SYNJ2: variants seen among roughly 807,000 people sequenced by gnomAD.
SYNJ2 encodes the protein polyphosphatidylinositol phosphatase SYNJ2.
Under a neutral mutation model 141.3 loss-of-function variants are expected in SYNJ2, and 116 were observed. That is an observed-to-expected ratio of 0.82 (90% CI 0.71 to 0.96). The LOEUF (loss-of-function observed/expected upper bound fraction) is 0.96. SYNJ2 is among the 40% of genes least tolerant of loss of function. The pLI is 0.00. For missense variants in SYNJ2, 1,873 were observed against 1,934.8 expected (o/e 0.97, Z 0.60); for synonymous variants, 745 against 777.7 (o/e 0.96, Z 0.70).
chr6:158,034,354 G>A (rs1334949552), intron 4 of SYNJ2, among the ~76,000 whole-genome samples: 1 of 152,250 alleles, frequency 6.6e-6, no homozygotes, highest in Non-Finnish European at 1.5e-5. Flanking sequence ...ACCCCGGAAG[G>A]CACATGTATG....
chr6:158,056,157 T>C (rs1780857064), intron 6 of SYNJ2, among the ~76,000 whole-genome samples: 1 of 152,220 alleles, frequency 6.6e-6, no homozygotes, highest in African/African-American at 2.4e-5. Context: ...CATGCTGGGT[T>C]CGCTTCAGGA....
chr6:157,997,846 C>T (rs548149093), intron 1 of SYNJ2, among the ~76,000 whole-genome samples: 4 of 152,228 alleles, frequency 2.6e-5, no homozygotes, highest in Non-Finnish European at 5.9e-5. Context: ...AAGCCCTAAC[C>T]ATCGTGGAGG....
chr6:157,995,458 T>C (rs1266065477), intron 1 of SYNJ2, among the ~76,000 whole-genome samples: 1 of 152,242 alleles, frequency 6.6e-6, no homozygotes, highest in Non-Finnish European at 1.5e-5. Flanking sequence ...CTCTCTGTCT[T>C]GTGCCTGCCT....
At chr6:158,085,170 C>T (rs1042120197) in intron 22 of SYNJ2, among the ~76,000 whole-genome samples, 4 of 151,888 alleles carry the variant, frequency 2.6e-5, no homozygotes, top group African/African-American at 7.3e-5. Context: ...CAGGGTTGCA[C>T]CAGCATGCCC....
chr6:158,021,924 C>T (rs368283465), intron 2 of SYNJ2, among the ~76,000 whole-genome samples: 3 of 152,284 alleles, frequency 2.0e-5, no homozygotes, highest in East Asian at 3.9e-4. Context: ...TGTAAATTCA[C>T]GGGCCAGGGC....
chr6:158,038,138 G>A (rs879881857), intron 4 of SYNJ2, among the ~76,000 whole-genome samples: 8 of 152,190 alleles, frequency 5.3e-5, no homozygotes, highest in African/African-American at 7.2e-5. Context: ...GGTACAGCCC[G>A]ATGCTGTTGA....
intron 23 of SYNJ2, among the ~76,000 whole-genome samples, chr6:158,088,358 C>G (rs1440093612): frequency 6.6e-6 from 1 of 152,028 alleles, no homozygotes. Context: ...GGAACCATTT[C>G]AAAATCAATT....
intron 2 of SYNJ2, among the ~76,000 whole-genome samples, chr6:158,020,007 G>A (rs1364800370): frequency 1.3e-5 from 2 of 152,246 alleles, no homozygotes; most frequent in African/African-American, 2.4e-5. Flanking sequence ...TGGGCAGCAC[G>A]GAGTGTAGCT....
chr6:158,020,347 TC>T, intron 2 of SYNJ2, among the ~76,000 whole-genome samples: 1 of 151,084 alleles, frequency 6.6e-6, no homozygotes, highest in East Asian at 1.9e-4. Context: ...TGTGACTGAC[TC>T]CAACTGTGTG....
chr6:158,092,153 G>A (rs901806560), intron 25 of SYNJ2, among the ~76,000 whole-genome samples: 6 of 151,994 alleles, frequency 3.9e-5, no homozygotes, highest in Admixed American at 3.9e-4. Flanking sequence ...TAGTAGAGGT[G>A]TGAAATCTAC....
At position 158,097,719 on chromosome 6, in the gene SYNJ2, G is replaced by A. The variant is rs1783862389; in HGVS notation, c.*1355G>A. On this transcript the variant is annotated 3_prime_UTR_variant, in exon 27 of 27. Transcript: ENST00000355585. ...TGTCTTGTTACCAATTAGACATCTG[G>A]AATTTCATAATTAGTTTTCATTGTC... 2 of 152,118 alleles carry A rather than the reference G, an allele frequency of 1.3e-5. No homozygotes were observed. The highest frequency in any genetic ancestry group is 3.4e-3 in the Middle Eastern group (1 of 294). 9.4% of individuals were successfully genotyped at this position (152,118 alleles called of 1,614,324 possible). A position where few individuals can be genotyped will look rare whatever the true frequency, so the allele number is the denominator to read the frequency against.
In SYNJ2 at chr6:157,982,044, G is replaced by C; in HGVS notation, c.83G>C (p.Arg28Pro). Residue 28 changes from arginine (R) to proline (P), a missense_variant, in exon 1 of 27, where the codon CGC becomes CCC. Transcript: ENST00000355585. This position sits in a 1 kb window ranked among gnomAD's most constrained non-coding sequence, Gnocchi z 4.0. ...DCSVLLEARG[R>P]DDCLLFEAGT... ...AGCGTGCTGCTGGAGGCGCGCGGCCGCGACGACTGCCTGCTGTTCGAGGCC... is the reference window on the plus strand; with the variant it reads ...AGCGTGCTGCTGGAGGCGCGCGGCCCCGACGACTGCCTGCTGTTCGAGGCC... The C allele has an allele frequency of 7.5e-7, 1 of 1,334,010 alleles. No homozygotes were observed. Among genetic ancestry groups the C allele is most frequent in the Non-Finnish European group, 9.6e-7 (1 of 1,045,368 alleles). 82.6% of individuals were successfully genotyped at this position (1,334,010 alleles called of 1,614,324 possible). A position where few individuals can be genotyped will look rare whatever the true frequency, so the allele number is the denominator to read the frequency against.
Position 158,081,438 on chromosome 6 carries a change from C to T in SYNJ2, c.2793C>T (p.Asn931=). 6.2e-7 allele frequency: 1 copy of T among 1,613,868 alleles called. No individual in the cohort carries two copies. The highest frequency in any genetic ancestry group is 8.5e-7 in the Non-Finnish European group (1 of 1,179,988). The part of the protein sequence containing the change: ...SYGTIVLVRI[N]QGQMLVTFAD... ...GGAGTATCATTTATTCCAGGATCAA[C>T]CAAGGGCAGATGCTGGTAACTTTTG... is the stretch of plus-strand genomic sequence containing the variant. Residue 931 remains asparagine (N), a synonymous_variant, in exon 20 of 27, where the codon AAC becomes AAT. Transcript: ENST00000355585.
In SYNJ2 at chr6:158,098,770, A is replaced by G. The variant is rs1176402074; in HGVS notation, c.*2406A>G. 6.6e-6 allele frequency: 1 copy of G among 152,196 alleles called. No individual in the cohort carries two copies. The highest frequency in any genetic ancestry group is 1.5e-5 in the Non-Finnish European group (1 of 68,052). The allele number at this position is 152,196 out of a possible 1,614,324, so 9.4% of individuals were successfully genotyped here. ...TATTTTGTTCCTGCTGTTCTCTAAC[A>G]TGGTGCAGTTCACGCAGACTGGTTT... On this transcript the variant is annotated 3_prime_UTR_variant, in exon 27 of 27. Transcript: ENST00000355585.
At chr6:158,013,789 A>G (rs528316020) in intron 1 of SYNJ2, among the ~76,000 whole-genome samples, 2 of 152,228 alleles carry the variant, frequency 1.3e-5, no homozygotes, top group East Asian at 3.9e-4. Context: ...TGATTTGTTT[A>G]GTGCCATGTT....
At chr6:158,077,952 T>C (rs1042728808) in intron 17 of SYNJ2, 30 of 428,372 alleles carry the variant, frequency 7.0e-5, no homozygotes, top group African/African-American at 5.8e-4. Context: ...GGCATGGTCA[T>C]GACTGTTTTG....
chr6:158,038,917 G>A (rs1779784250), intron 4 of SYNJ2, among the ~76,000 whole-genome samples: 1 of 152,380 alleles, frequency 6.6e-6, no homozygotes, highest in Middle Eastern at 3.4e-3. Context: ...AGAAACACAG[G>A]TGAACTGGAA....
At chr6:158,038,931 C>T (rs570535769) in intron 4 of SYNJ2, among the ~76,000 whole-genome samples, 1 of 152,346 alleles carries the variant, frequency 6.6e-6, no homozygotes, top group African/African-American at 2.4e-5. Context: ...ACTGGAAGAG[C>T]AGAGAGGGTT....
chr6:158,069,960 G>A (rs530498526), intron 14 of SYNJ2, among the ~76,000 whole-genome samples: 2 of 152,292 alleles, frequency 1.3e-5, no homozygotes, highest in South Asian at 4.1e-4. Context: ...CAAGGAAAAG[G>A]GTTCCTTGTT....
Sources: allele counts gnomAD v4.1 joint callset (sites outside exome capture counted in the v4.1 genomes callset), GRCh38; gene constraint gnomAD v4.1.1; non-coding constraint Gnocchi (gnomAD v3.1); transcripts MANE v1.5; gene names NCBI Gene and HGNC (gene_info 2026-07-23, HGNC 2026-07-21).